B4GALNT2: variants seen among roughly 807,000 people sequenced by gnomAD.
The protein encoded by B4GALNT2 is N-acetylneuraminylgalactosylglucosyl-glucoside beta-1,4-N- acetylgalactosaminyltransferase 2.
A neutral mutation model predicts 51.1 loss-of-function variants in B4GALNT2; 42 were observed. The observed-to-expected ratio is 0.82, with a 90% CI of 0.64 to 1.06. B4GALNT2 has a LOEUF of 1.06. Ranked by LOEUF, B4GALNT2 falls within the 50% of genes least tolerant of loss-of-function variation. B4GALNT2 has a pLI of 0.00. For missense variants in B4GALNT2, 602 were observed against 633.6 expected (o/e 0.95, Z 0.54); for synonymous variants, 253 against 251.7 (o/e 1.01, Z -0.05).
intron 3 of B4GALNT2, among the ~76,000 whole-genome samples, chr17:49,150,552 G>A (rs1001897885): frequency 5.6e-4 from 85 of 152,032 alleles, no homozygotes; most frequent in Non-Finnish European, 4.6e-4. Flanking sequence ...GTAGACGTGG[G>A]AGACTTTTCA....
the B4GALNT2 span, among the ~76,000 whole-genome samples, chr17:49,120,494 G>C: frequency 4.0e-5 from 6 of 150,504 alleles, no homozygotes; most frequent in Non-Finnish European, 7.4e-5. Context: ...CTGTGTGTGT[G>C]TGTGTGTGTG....
intron 7 of B4GALNT2, among the ~76,000 whole-genome samples, chr17:49,162,041 G>A (rs2042869769): frequency 6.6e-6 from 1 of 151,516 alleles, no homozygotes; most frequent in African/African-American, 2.4e-5. Context: ...AGGCTGGAGT[G>A]CAGTGGCACG....
In B4GALNT2 at chr17:49,140,007, A is replaced by G. The variant is rs1418330622; in HGVS notation, c.15-1240A>G. Among the ~76,000 whole-genome samples, 3 of 150,582 alleles carry G rather than the reference A, an allele frequency of 2.0e-5. No homozygotes were observed. The East Asian group carries it at 5.8e-4, about 29-fold the overall frequency. On this transcript the variant is annotated intron_variant, in intron 1 of 10. Coordinates refer to ENST00000393354, the MANE Select transcript of B4GALNT2 (RefSeq NM_001159387.2). ...TTTTATTCTTGACTAGAATAGCTCA[A>G]TTTTGTAGAGATGTAACTTTGCCCT...
intron 4 of B4GALNT2, 52 bp from the exon 5 acceptor site, chr17:49,156,514 G>T: frequency 6.2e-7 from 1 of 1,600,162 alleles, no homozygotes; most frequent in African/African-American, 1.3e-5. Context: ...GCAGCGGGGA[G>T]CTGCGATGTC....
chr17:49,152,169 C>A (rs1330056237), intron 3 of B4GALNT2, among the ~76,000 whole-genome samples: 4 of 151,600 alleles, frequency 2.6e-5, no homozygotes, highest in African/African-American at 9.7e-5. Flanking sequence ...TTGAGCCCAG[C>A]GGTTGGAGAC....
Position 49,132,868 on chromosome 17 carries a change from G to A in B4GALNT2, c.14+62G>A, listed in dbSNP as rs1373812365. On this transcript the variant is annotated intron_variant, in intron 1 of 10. Transcript: ENST00000393354. Reference sequence around the variant, plus strand: ...AACTTCGGGAGCAGGGAGCGCCGCGGGTCCTTTCTGGCGTCTGCAGAGCGG... The same window carrying A: ...AACTTCGGGAGCAGGGAGCGCCGCGAGTCCTTTCTGGCGTCTGCAGAGCGG... 13 of 1,370,364 alleles carry A rather than the reference G, an allele frequency of 9.5e-6. 1 individual carries two copies. The highest frequency in any genetic ancestry group is 3.7e-5 in the South Asian group (2 of 53,918). 84.9% of individuals were successfully genotyped at this position (1,370,364 alleles called of 1,614,324 possible). A position where few individuals can be genotyped will look rare whatever the true frequency, so the allele number is the denominator to read the frequency against.
chr17:49,142,117 G>T lies in B4GALNT2; in HGVS notation c.298G>T (p.Asp100Tyr). 2 of 1,614,100 alleles carry T rather than the reference G, an allele frequency of 1.2e-6. No individual in the cohort carries two copies. The highest frequency in any genetic ancestry group is 1.7e-5 in the Admixed American group (1 of 60,010). ...CTTTCAGGATGCCTATGGCCAGAGC[G>T]ACCTCCCAGCGGTGAAAGCGAGGAG... is the stretch of plus-strand genomic sequence containing the variant. The part of the protein sequence containing the change: ...YNFQDAYGQS[D>Y]LPAVKARRQA... The change falls in exon 3 of 11, where the codon GAC (aspartate) becomes TAC (tyrosine). Residue 100 changes from aspartate to tyrosine, a missense_variant. Coordinates refer to ENST00000393354, the MANE Select transcript of B4GALNT2 (RefSeq NM_001159387.2).
chr17:49,166,286 C>T (rs1206900652), intron 9 of B4GALNT2, 32 bp downstream of exon 9: 1 of 1,424,452 alleles, frequency 7.0e-7, no homozygotes, highest in African/African-American at 1.5e-5. Context: ...CACCCAGCCA[C>T]AATCTGTAGA....
the B4GALNT2 span, among the ~76,000 whole-genome samples, chr17:49,120,841 C>G: frequency 6.6e-6 from 1 of 151,958 alleles, no homozygotes; most frequent in Admixed American, 6.6e-5. Flanking sequence ...GGGAAAATAG[C>G]AGGTGAGAAC....
At chr17:49,133,273 G>A (rs1025341443) in intron 1 of B4GALNT2, 4 of 1,436,610 alleles carry the variant, frequency 2.8e-6, no homozygotes, top group Non-Finnish European at 3.6e-6. Flanking sequence ...CGGGGAGCCC[G>A]GCGGCTTGGT....
intron 1 of B4GALNT2, among the ~76,000 whole-genome samples, chr17:49,135,402 C>T (rs534589212): frequency 3.3e-5 from 5 of 150,708 alleles, no homozygotes; most frequent in African/African-American, 1.2e-4. Flanking sequence ...CAGGTTCAAG[C>T]GATTCTCCTG....
chr17:49,176,772 T>C lies in B4GALNT2; in HGVS notation c.*7044T>C, dbSNP rs916782629. ...TTTTCTTCCTGTGGCCTAGGGTAGTTCAGGATCACTAAAAATGTGTTCTGT... is the reference window on the plus strand; with the variant it reads ...TTTTCTTCCTGTGGCCTAGGGTAGTCCAGGATCACTAAAAATGTGTTCTGT... On this transcript the variant is annotated 3_prime_UTR_variant, in exon 11 of 11. Coordinates refer to ENST00000393354, the MANE Select transcript of B4GALNT2 (RefSeq NM_001159387.2). 6.6e-6 allele frequency: 1 copy of C among 152,210 alleles called. No individual in the cohort carries two copies. Among genetic ancestry groups the C allele is most frequent in the African/African-American group, 2.4e-5 (1 of 41,452 alleles). 9.4% of individuals were successfully genotyped at this position (152,210 alleles called of 1,614,324 possible).
At chr17:49,123,720 G>A in the B4GALNT2 span, among the ~76,000 whole-genome samples, 1 of 152,152 alleles carries the variant, frequency 6.6e-6, no homozygotes, top group African/African-American at 2.4e-5. Context: ...GTTTCCCCTT[G>A]AGATTCCAAA....
intron 6 of B4GALNT2, 126 bp from the exon 7 acceptor site, chr17:49,160,429 A>G: frequency 1.1e-6 from 1 of 876,356 alleles, no homozygotes; most frequent in Non-Finnish European, 1.9e-6. Context: ...GGGGTCCTTG[A>G]TCTCATCCCA....
chr17:49,141,101 C>T, intron 1 of B4GALNT2, 146 bp from the exon 2 acceptor site: 8 of 677,030 alleles, frequency 1.2e-5, no homozygotes, highest in East Asian at 5.3e-5. Flanking sequence ...TTGATTCTTT[C>T]CTCCTCTGTT....
the B4GALNT2 span, among the ~76,000 whole-genome samples, chr17:49,126,941 T>A: frequency 8.1e-4 from 123 of 152,334 alleles, no homozygotes; most frequent in African/African-American, 2.8e-3. Context: ...TGACCTCAGG[T>A]GAACCACCCG....
chr17:49,162,471 C>T (rs1449206677), intron 7 of B4GALNT2, among the ~76,000 whole-genome samples: 3 of 152,094 alleles, frequency 2.0e-5, no homozygotes, highest in African/African-American at 2.4e-5. Context: ...TGGCACCTCT[C>T]GGGAGGCAAT....
In B4GALNT2 at chr17:49,172,077, T is replaced by C. The variant is rs1333459288; in HGVS notation, c.*2349T>C. Reference sequence around the variant, plus strand: ...GTGATCACCACTATCATATCTATCATTAAATTACTCATTGTGACTGGTTGT... The same window carrying C: ...GTGATCACCACTATCATATCTATCACTAAATTACTCATTGTGACTGGTTGT... On this transcript the variant is annotated 3_prime_UTR_variant, in exon 11 of 11. Transcript: ENST00000393354. 2 of 290,364 alleles carry C rather than the reference T, an allele frequency of 6.9e-6. No individual in the cohort carries two copies. The highest frequency in any genetic ancestry group is 1.3e-5 in the Non-Finnish European group (2 of 157,846). 18.0% of individuals were successfully genotyped at this position (290,364 alleles called of 1,614,324 possible).
In B4GALNT2 at chr17:49,141,410, GA is replaced by G. The variant is rs2042642706; in HGVS notation, c.180del (p.Glu60AspfsTer45). On this transcript the variant is annotated frameshift_variant, in exon 2 of 11. Transcript: ENST00000393354. LOFTEE classifies it high-confidence loss of function. ...CCAGAAGCTGAAGCTTCTGCCTGAG[GA>G]ACGTCTCAGGAACCTCTTTTCCTAC... is the stretch of plus-strand genomic sequence containing the variant. ...GVQKLKLLPE[E>X]RLRNLFSYDG... is the part of the protein sequence containing the mutation. 6.8e-6 allele frequency: 11 copies of G among 1,614,156 alleles called. No homozygotes were observed. Among genetic ancestry groups the G allele is most frequent in the Non-Finnish European group, 9.3e-6 (11 of 1,180,022 alleles).
Sources: allele counts gnomAD v4.1 joint callset (sites outside exome capture counted in the v4.1 genomes callset), GRCh38; gene constraint gnomAD v4.1.1; transcripts MANE v1.5; gene names NCBI Gene and HGNC (gene_info 2026-07-23, HGNC 2026-07-21).